The following NAMPT variants were observed in gnomAD, a reference collection of about 807,000 sequenced individuals.
NAMPT encodes the protein nicotinamide phosphoribosyltransferase, also known as NAmPRTase.
In NAMPT, 7 loss-of-function variants were observed where a neutral mutation model predicts 58.7. That is an observed-to-expected ratio of 0.12 (90% CI 0.07 to 0.22). NAMPT has a LOEUF of 0.22. Ranked by LOEUF, NAMPT falls within the 10% of genes least tolerant of loss-of-function variation. NAMPT has a pLI of 1.00. For synonymous variants in NAMPT, 145 were observed against 198.1 expected (o/e 0.73, Z 2.25); for missense variants, 271 against 567.9 (o/e 0.48, Z 5.31).
intron 1 of NAMPT, 166 bp downstream of exon 1, chr7:106,284,662 A>G: frequency 1.3e-6 from 1 of 777,056 alleles, no homozygotes; most frequent in East Asian, 5.6e-5. Flanking sequence ...GCGCCTCCTC[A>G]CCTGCCCCAG....
At chr7:106,284,125 T>C (rs989637794) in intron 1 of NAMPT, among the ~76,000 whole-genome samples, 1 of 152,194 alleles carries the variant, frequency 6.6e-6, no homozygotes, top group African/African-American at 2.4e-5. Flanking sequence ...GTAATGACCC[T>C]AAAGCAGATA....
At chr7:106,256,580 A>T (rs999750627) in intron 8 of NAMPT, among the ~76,000 whole-genome samples, 1 of 152,226 alleles carries the variant, frequency 6.6e-6, no homozygotes. Context: ...GTTCAACTTA[A>T]CAACGGTGCA....
intron 10 of NAMPT, 93 bp downstream of exon 10, chr7:106,252,924 C>T: frequency 3.5e-6 from 5 of 1,435,232 alleles, no homozygotes; most frequent in Admixed American, 4.4e-5. Context: ...ACTTTGTCTT[C>T]CACAAAAACA....
intron 6 of NAMPT, among the ~76,000 whole-genome samples, chr7:106,265,307 A>G (rs1400007208): frequency 6.6e-6 from 1 of 152,126 alleles, no homozygotes. Flanking sequence ...TACTTGTATC[A>G]TGTCTAGCAA....
At chr7:106,265,444 T>C (rs1187891636) in intron 6 of NAMPT, among the ~76,000 whole-genome samples, 2 of 152,086 alleles carry the variant, frequency 1.3e-5, no homozygotes, top group African/African-American at 4.8e-5. Context: ...GGTTCCCTTT[T>C]CAGTCTTCCC....
intron 8 of NAMPT, among the ~76,000 whole-genome samples, chr7:106,260,726 TATTA>T (rs1382727697): frequency 6.6e-6 from 1 of 152,214 alleles, no homozygotes; most frequent in African/African-American, 2.4e-5. Flanking sequence ...ACTGTGGGGT[TATTA>T]ATTGACCTAA....
chr7:106,257,762 G>A (rs1215221921), intron 8 of NAMPT, among the ~76,000 whole-genome samples: 1 of 152,200 alleles, frequency 6.6e-6, no homozygotes, highest in East Asian at 1.9e-4. Flanking sequence ...CTTGAACTCC[G>A]TTCAACTTGC....
intron 8 of NAMPT, among the ~76,000 whole-genome samples, chr7:106,256,059 G>T (rs1332500808): frequency 6.6e-6 from 1 of 152,092 alleles, no homozygotes; most frequent in East Asian, 1.9e-4. Context: ...TTTTGAGTCT[G>T]GGAAGAAAAA....
chr7:106,280,524 C>T (rs144999649), intron 1 of NAMPT, among the ~76,000 whole-genome samples: 2 of 152,246 alleles, frequency 1.3e-5, no homozygotes, highest in East Asian at 3.9e-4. Flanking sequence ...AAAATTATTC[C>T]GTAGATGTAA....
Position 106,253,495 on chromosome 7 carries a change from C to G in NAMPT, c.1231-344G>C, listed in dbSNP as rs187894510. 250 of 204,846 alleles carry G rather than the reference C, an allele frequency of 1.2e-3. 1 individual carries two copies. Among genetic ancestry groups the G allele is most frequent in the Non-Finnish European group, 9.7e-4 (96 of 98,892 alleles). The allele number at this position is 204,846 out of a possible 1,614,324, so 12.7% of individuals were successfully genotyped here. ...GCCTTTAAACTGACAGTAAGCACAG[C>G]ATGTACATGCTGTTGAAGAAAAGCC... On this transcript the variant is annotated intron_variant, in intron 9 of 10. Coordinates refer to ENST00000222553, the MANE Select transcript of NAMPT (RefSeq NM_005746.3).
intron 8 of NAMPT, among the ~76,000 whole-genome samples, chr7:106,257,837 G>A (rs1476005592): frequency 6.6e-6 from 1 of 152,144 alleles, no homozygotes; most frequent in East Asian, 1.9e-4. Flanking sequence ...GCAGGCTAAT[G>A]GGATTTCTGA....
intron 8 of NAMPT, among the ~76,000 whole-genome samples, chr7:106,259,878 C>CTTTTTTTTTTTTTTTT (rs78910620): frequency 7.5e-6 from 1 of 132,834 alleles, no homozygotes. Flanking sequence ...TCGAAACAAT[C>CTTTTTTTTTTTTTTTT]TTTTTTTTTT....
At chr7:106,258,806 TCTTGCC>T (rs1299870014) in intron 8 of NAMPT, among the ~76,000 whole-genome samples, 2 of 152,130 alleles carry the variant, frequency 1.3e-5, no homozygotes, top group Non-Finnish European at 2.9e-5. Context: ...TGGTGGAGGG[TCTTGCC>T]CTGTTGTTGA....
Position 106,268,616 on chromosome 7 carries a change from T to C in NAMPT, c.607-16A>G, listed in dbSNP as rs1488819107. 2 of 1,596,576 alleles carry C rather than the reference T, an allele frequency of 1.3e-6. No individual in the cohort carries two copies. The highest frequency in any genetic ancestry group is 1.7e-6 in the Non-Finnish European group (2 of 1,164,598). ...TGCCAGCAGTCTGGAAAATCAATCA[T>C]AAACCAAAATCCAAAACAGAAAGAA... On this transcript the variant is annotated splice_polypyrimidine_tract_variant and intron_variant, in intron 5 of 10. Transcript: ENST00000222553.
At chr7:106,257,168 A>G (rs2115735065) in intron 8 of NAMPT, among the ~76,000 whole-genome samples, 1 of 151,896 alleles carries the variant, frequency 6.6e-6, no homozygotes, top group Non-Finnish European at 1.5e-5. Context: ...AGAAAAAGAT[A>G]TTTTTCCTTC....
rs751996186 is a variant in NAMPT at position 106,249,090 on chromosome 7, TTC to T, written c.*1991_*1992del. ...TATCAAAACTATTATTGGTAATAGT[TTC>T]TTTTGATTCTTTACACGCCCCTTAG... On this transcript the variant is annotated 3_prime_UTR_variant, in exon 11 of 11. Transcript: ENST00000222553. The T allele has an allele frequency of 1.1e-4, 17 of 152,202 alleles. No individual in the cohort carries two copies. Among genetic ancestry groups the T allele is most frequent in the Non-Finnish European group, 1.9e-4 (13 of 67,874 alleles). The allele number at this position is 152,202 out of a possible 1,614,324, so 9.4% of individuals were successfully genotyped here.
rs1187843612 is a variant in NAMPT at position 106,249,070 on chromosome 7, A to G, written c.*2013T>C. On this transcript the variant is annotated 3_prime_UTR_variant, in exon 11 of 11. Transcript: ENST00000222553. ...AACACAAAATTATGGGTGATTATCA[A>G]AACTATTATTGGTAATAGTTTCTTT... 6.6e-6 allele frequency: 1 copy of G among 152,164 alleles called. No individual in the cohort carries two copies. The highest frequency in any genetic ancestry group is 1.9e-4 in the East Asian group (1 of 5,202). 9.4% of individuals were successfully genotyped at this position (152,164 alleles called of 1,614,324 possible).
At chr7:106,269,369 A>T in intron 4 of NAMPT, 57 bp from the exon 5 acceptor site, 5 of 1,437,862 alleles carry the variant, frequency 3.5e-6, no homozygotes, top group East Asian at 4.8e-5. Context: ...ATTCTTTCTG[A>T]GGAAAATCCT....
intron 4 of NAMPT, 80 bp downstream of exon 4, chr7:106,272,450 G>A (rs964673914): frequency 1.2e-5 from 16 of 1,305,396 alleles, no homozygotes; most frequent in Non-Finnish European, 1.7e-5. Flanking sequence ...AGCTTTATTA[G>A]TAACAAATTC....
Sources: allele counts gnomAD v4.1 joint callset (sites outside exome capture counted in the v4.1 genomes callset), GRCh38; gene constraint gnomAD v4.1.1; transcripts MANE v1.5; gene names NCBI Gene and HGNC (gene_info 2026-07-23, HGNC 2026-07-21).